Variants in NEXN observed in about 807,000 individuals in gnomAD.
NEXN encodes nexilin F-actin binding protein, also known as nexilin.
In NEXN, 65 loss-of-function variants were observed where a neutral mutation model predicts 92.6. The observed-to-expected ratio is 0.70, with a 90% CI of 0.57 to 0.86. The LOEUF is 0.86. Among genes scored for constraint, NEXN ranks in the 40% least tolerant of loss-of-function variants. The pLI is 0.00. For synonymous variants in NEXN, 254 were observed against 242.5 expected (o/e 1.05, Z -0.44); for missense variants, 778 against 771.1 (o/e 1.01, Z -0.11).
intron 12 of NEXN, 86 bp downstream of exon 12, chr1:77,942,294 T>G: frequency 6.8e-7 from 1 of 1,475,182 alleles, no homozygotes; most frequent in Non-Finnish European, 9.4e-7. Context: ...AAAAATGTTT[T>G]AATGGTTTTC....
rs1647029098 is a variant in NEXN at position 77,888,691 on chromosome 1, G to C, written c.-121G>C. The C allele has an allele frequency of 6.4e-6, 1 of 156,240 alleles. No individual in the cohort carries two copies. The highest frequency in any genetic ancestry group is 6.5e-5 in the Admixed American group (1 of 15,312). The allele number at this position is 156,240 out of a possible 1,614,324, so 9.7% of individuals were successfully genotyped here. On this transcript the variant is annotated 5_prime_UTR_variant, in exon 1 of 13. Coordinates refer to ENST00000334785, the MANE Select transcript of NEXN (RefSeq NM_144573.4). ...CAGAGCTCCCAGACCCCTACCCACA[G>C]CCAGGCGGGACGCGCACAGTCCCTC...
At chr1:77,898,143 G>A (rs369551051) in intron 1 of NEXN, among the ~76,000 whole-genome samples, 10 of 151,880 alleles carry the variant, frequency 6.6e-5, no homozygotes, top group African/African-American at 1.7e-4. Context: ...CTTTCTTCAC[G>A]GAATTGGAAA....
At position 77,933,459 on chromosome 1, in the gene NEXN, C is replaced by T. The variant is rs1457353436; in HGVS notation, c.1231C>T (p.Leu411=). The part of the protein sequence containing the change: ...LEMEKQEFEQ[L]RQEMGEEEEE... ...AATGGAGAAACAAGAATTTGAACAA[C>T]TGAGACAGGAAATGGGAGAGGTAAG... is the stretch of plus-strand genomic sequence containing the variant. Residue 411 remains leucine, a synonymous_variant, in exon 10 of 13, where the codon CTG becomes TTG. Transcript: ENST00000334785. 1.2e-6 allele frequency: 2 copies of T among 1,610,850 alleles called. No homozygotes were observed. The highest frequency in any genetic ancestry group is 2.2e-5 in the East Asian group (1 of 44,810).
At chr1:77,933,229 C>A in intron 9 of NEXN, 53 bp from the exon 10 acceptor site, 3 of 1,121,044 alleles carry the variant, frequency 2.7e-6, no homozygotes, top group East Asian at 2.5e-5. Context: ...GAAATAGTCC[C>A]TTTTTAGTAT....
At chr1:77,902,083 C>T (rs1300637279) in intron 1 of NEXN, among the ~76,000 whole-genome samples, 2 of 152,016 alleles carry the variant, frequency 1.3e-5, no homozygotes, top group Non-Finnish European at 2.9e-5. Context: ...TATACTGTAC[C>T]TAGCACATTA....
chr1:77,921,185 C>T (rs577342406), intron 5 of NEXN, among the ~76,000 whole-genome samples: 5 of 152,186 alleles, frequency 3.3e-5, no homozygotes, highest in African/African-American at 1.2e-4. Context: ...CTCTTAAAAA[C>T]AGACAGACAA....
intron 9 of NEXN, among the ~76,000 whole-genome samples, chr1:77,929,847 C>T (rs1190903643): frequency 1.3e-5 from 2 of 152,214 alleles, no homozygotes; most frequent in African/African-American, 2.4e-5. Flanking sequence ...CCTCTCCATT[C>T]TTTCGCCACC....
At chr1:77,941,790 T>C (rs906098902) in intron 11 of NEXN, 20 of 513,116 alleles carry the variant, frequency 3.9e-5, no homozygotes, top group South Asian at 1.2e-4. Flanking sequence ...CCCAGTGATA[T>C]TGTGATCTTT....
intron 1 of NEXN, among the ~76,000 whole-genome samples, chr1:77,911,034 A>G (rs1398945791): frequency 6.6e-6 from 1 of 151,872 alleles, no homozygotes; most frequent in Non-Finnish European, 1.5e-5. Flanking sequence ...GATGGGGTCT[A>G]CTATGTTGCC....
Position 77,942,590 on chromosome 1 carries a change from G to C in NEXN, c.1789G>C (p.Glu597Gln). 1 of 1,613,872 alleles carries C rather than the reference G, an allele frequency of 6.2e-7. No individual in the cohort carries two copies. The highest frequency in any genetic ancestry group is 8.5e-7 in the Non-Finnish European group (1 of 1,179,810). Residue 597 changes from glutamate (E) to glutamine (Q), a missense_variant, in exon 13 of 13, where the codon GAG becomes CAG. Glu to Gln is a conservative substitution (Grantham distance 29). Around this residue, in one of 3 missense-constraint regions of NEXN, gnomAD observed 532 missense variants for 476.7 expected, o/e 1.12. Coordinates refer to ENST00000334785, the MANE Select transcript of NEXN (RefSeq NM_144573.4). ...TAAAAACACATCAGTTGTAGACAGT[G>C]AGCCAGTCAGATTTACGGTTAAAGT... ...PLKNTSVVDSEPVRFTVKVTG... is the reference protein window; with the variant it reads ...PLKNTSVVDSQPVRFTVKVTG...
intron 10 of NEXN, among the ~76,000 whole-genome samples, chr1:77,935,250 C>T (rs1057200281): frequency 6.6e-6 from 1 of 152,124 alleles, no homozygotes; most frequent in South Asian, 2.1e-4. Flanking sequence ...GTTGTCCAGG[C>T]TGGTCTTGAA....
intron 1 of NEXN, chr1:77,888,974 C>G (rs1346543976): frequency 6.5e-6 from 1 of 152,918 alleles, no homozygotes; most frequent in East Asian, 1.9e-4. Flanking sequence ...GGAGCCGCAT[C>G]CTGCGGGCTC....
At chr1:77,906,167 G>A (rs1036245121) in intron 1 of NEXN, among the ~76,000 whole-genome samples, 1 of 152,038 alleles carries the variant, frequency 6.6e-6, no homozygotes, top group African/African-American at 2.4e-5. Flanking sequence ...CAAGCAAGGA[G>A]GATTTCAGGA....
At chr1:77,896,005 GTCTGTACTAAAAAAAA>G (rs1380254699) in intron 1 of NEXN, among the ~76,000 whole-genome samples, 2 of 151,546 alleles carry the variant, frequency 1.3e-5, no homozygotes, top group African/African-American at 2.4e-5. Context: ...GTGAAACCCT[GTCTGTACTAAAAAAAA>G]TTAGCCAGGT....
At chr1:77,902,082 C>A (rs1056884984) in intron 1 of NEXN, among the ~76,000 whole-genome samples, 1 of 152,028 alleles carries the variant, frequency 6.6e-6, no homozygotes, top group Non-Finnish European at 1.5e-5. Flanking sequence ...ATATACTGTA[C>A]CTAGCACATT....
At position 77,935,810 on chromosome 1, in the gene NEXN, ATTT is replaced by A. The variant is rs768326968; in HGVS notation, c.1252-7_1252-5del. 6.2e-7 allele frequency: 1 copy of A among 1,600,656 alleles called. No individual in the cohort carries two copies. ...AAAAACAGCAGCAACAAACTTATTA[ATTT>A]TTTTTGAAGGAAGAGGAAGAAAATG... On this transcript the variant is annotated splice_polypyrimidine_tract_variant and intron_variant, in intron 10 of 12. Transcript: ENST00000334785.
chr1:77,913,189 C>T (rs1237136393), intron 1 of NEXN, among the ~76,000 whole-genome samples: 3 of 152,142 alleles, frequency 2.0e-5, no homozygotes, highest in South Asian at 4.2e-4. Context: ...CCGAGGTGGG[C>T]GGATCACCTG....
intron 1 of NEXN, among the ~76,000 whole-genome samples, chr1:77,896,045 C>T (rs1008803118): frequency 1.3e-5 from 2 of 151,902 alleles, no homozygotes; most frequent in African/African-American, 4.8e-5. Context: ...GTTGCATGTG[C>T]CTGTAATCCC....
At chr1:77,933,216 C>T in intron 9 of NEXN, 66 bp from the exon 10 acceptor site, 1 of 1,046,174 alleles carries the variant, frequency 9.6e-7, no homozygotes, top group Non-Finnish European at 1.4e-6. Context: ...CCAGTTTCTT[C>T]AAGAAATAGT....
Sources: allele counts gnomAD v4.1 joint callset (sites outside exome capture counted in the v4.1 genomes callset), GRCh38; gene constraint gnomAD v4.1.1; regional missense constraint gnomAD v4.1.1; transcripts MANE v1.5; gene names NCBI Gene and HGNC (gene_info 2026-07-23, HGNC 2026-07-21).